Variants in ZC4H2 observed in about 807,000 individuals in gnomAD.
ZC4H2 encodes the protein zinc finger C4H2-type containing, also known as zinc finger C4H2 domain-containing protein.
For synonymous variants in ZC4H2, 84 were observed against 66.3 expected (o/e 1.27, Z -1.30); for missense variants, 137 against 173.9 (o/e 0.79, Z 1.19).
Position 64,921,994 on chromosome X carries a change from A to G in ZC4H2, c.54-6T>C. 4 of 1,208,206 alleles carry G rather than the reference A, an allele frequency of 3.3e-6. No individual in the cohort carries two copies. The highest frequency in any genetic ancestry group is 4.5e-6 in the Non-Finnish European group (4 of 894,193). On this transcript the variant is annotated splice_region_variant and splice_polypyrimidine_tract_variant and intron_variant, in intron 1 of 4. Coordinates refer to ENST00000374839, the MANE Select transcript of ZC4H2 (RefSeq NM_018684.4). ...CCATCTGCAGGGTCTTGTTCCTGCAATTTGCAAAAAGCAGGAAACAGGCCA... is the reference window on the plus strand; with the variant it reads ...CCATCTGCAGGGTCTTGTTCCTGCAGTTTGCAAAAAGCAGGAAACAGGCCA...
At chrX:64,999,317 C>T (rs1932487935) in intron 1 of ZC4H2, among the ~76,000 whole-genome samples, 2 of 111,349 alleles carry the variant, frequency 1.8e-5, no homozygotes, top group East Asian at 5.6e-4. Flanking sequence ...TGGGGTATTG[C>T]CTCACCCAGG....
chrX:65,009,759 T>TG (rs1276327723), intron 1 of ZC4H2, among the ~76,000 whole-genome samples: 2 of 111,556 alleles, frequency 1.8e-5, no homozygotes, highest in African/African-American at 6.5e-5. Context: ...CTGTGAGACT[T>TG]GGGGGGCAAG....
Position 64,932,853 on chromosome X carries a change from G to T in ZC4H2, c.54-10865C>A, listed in dbSNP as rs370572560. On this transcript the variant is annotated intron_variant, in intron 1 of 4. Coordinates refer to ENST00000374839, the MANE Select transcript of ZC4H2 (RefSeq NM_018684.4). ...CTGTGCCTTAATGATGATTGTTTTG[G>T]AATGAATTTCCCAGGAGTTCTTTTG... 3.5e-4 allele frequency among the ~76,000 whole-genome samples: 39 copies of T among 111,015 alleles called. No individual in the cohort carries two copies. In the East Asian group the frequency reaches 6.0e-3, roughly 17 times the overall value.
intron 1 of ZC4H2, among the ~76,000 whole-genome samples, chrX:65,030,302 G>T (rs1227559022): frequency 1.8e-5 from 2 of 108,552 alleles, no homozygotes; most frequent in East Asian, 5.8e-4. Context: ...ATTTTTTTTT[G>T]TACAGACCGG....
intron 1 of ZC4H2, among the ~76,000 whole-genome samples, chrX:64,966,578 C>A (rs1225710674): frequency 8.9e-6 from 1 of 111,911 alleles, no homozygotes. Flanking sequence ...AGTGAACACC[C>A]AAAATGTGCG....
intron 1 of ZC4H2, among the ~76,000 whole-genome samples, chrX:65,020,803 A>G (rs768882247): frequency 6.2e-5 from 7 of 112,165 alleles, no homozygotes; most frequent in African/African-American, 2.3e-4. Context: ...ATGTGCAAAG[A>G]CATAGATAGG....
At chrX:64,988,292 A>T (rs1360020193) in intron 1 of ZC4H2, among the ~76,000 whole-genome samples, 1 of 111,016 alleles carries the variant, frequency 9.0e-6, no homozygotes, top group African/African-American at 3.3e-5. Flanking sequence ...TAGTTCTAGA[A>T]CCCTGAGGAA....
At chrX:65,002,469 C>A (rs1349543771) in intron 1 of ZC4H2, among the ~76,000 whole-genome samples, 1 of 109,992 alleles carries the variant, frequency 9.1e-6, no homozygotes, top group Non-Finnish European at 1.9e-5. Context: ...GCTGCCGCCC[C>A]ATCCGGGAGG....
chrX:64,923,666 T>A (rs1198906744), intron 1 of ZC4H2, among the ~76,000 whole-genome samples: 1 of 100,740 alleles, frequency 9.9e-6, no homozygotes, highest in Non-Finnish European at 1.9e-5. Context: ...TAAGAAAACA[T>A]CTTTTCATGT....
chrX:64,982,976 A>T (rs1281427033), intron 1 of ZC4H2, among the ~76,000 whole-genome samples: 1 of 112,141 alleles, frequency 8.9e-6, no homozygotes, highest in Non-Finnish European at 1.9e-5. Flanking sequence ...AAGTAAACAG[A>T]TTGGGAGAGG....
chrX:64,935,985 G>A (rs1266028800), intron 1 of ZC4H2, among the ~76,000 whole-genome samples: 4 of 110,339 alleles, frequency 3.6e-5, no homozygotes, highest in Non-Finnish European at 7.6e-5. Flanking sequence ...TGAGCTAAAG[G>A]AGCATGTTCT....
upstream of ZC4H2, among the ~76,000 whole-genome samples, chrX:64,979,215 C>T (rs1159661275): frequency 8.9e-6 from 1 of 111,896 alleles, no homozygotes; most frequent in Non-Finnish European, 1.9e-5. Flanking sequence ...CCTATGGCCC[C>T]ATGCGGCCTG....
At chrX:65,008,101 A>G (rs1932696741) in intron 1 of ZC4H2, among the ~76,000 whole-genome samples, 1 of 112,210 alleles carries the variant, frequency 8.9e-6, no homozygotes, top group Non-Finnish European at 1.9e-5. Flanking sequence ...TAAGGAGTTC[A>G]AAAAACTTAA....
At chrX:65,009,359 T>C (rs1164686698) in intron 1 of ZC4H2, among the ~76,000 whole-genome samples, 1 of 110,481 alleles carries the variant, frequency 9.1e-6, no homozygotes. Context: ...CTCTCAGAAG[T>C]TGCAAGCCTT....
At chrX:65,004,171 A>T (rs755276138) in intron 1 of ZC4H2, among the ~76,000 whole-genome samples, 32 of 111,921 alleles carry the variant, frequency 2.9e-4, no homozygotes, top group African/African-American at 1.0e-3. Context: ...AGCTGGTACC[A>T]TTCTTTCTGA....
chrX:64,948,592 A>G (rs964618585), intron 1 of ZC4H2, among the ~76,000 whole-genome samples: 12 of 111,989 alleles, frequency 1.1e-4, no homozygotes, highest in African/African-American at 3.9e-4. Flanking sequence ...TCTAACAGAA[A>G]TGATGAAAGA....
At chrX:64,930,761 G>A (rs1359268532) in intron 1 of ZC4H2, among the ~76,000 whole-genome samples, 1 of 111,452 alleles carries the variant, frequency 9.0e-6, no homozygotes, top group Non-Finnish European at 1.9e-5. Context: ...GTTGGATTTG[G>A]GTAGCTAGTA....
intron 1 of ZC4H2, among the ~76,000 whole-genome samples, chrX:64,945,674 C>T (rs1602405387): frequency 9.0e-6 from 1 of 111,504 alleles, no homozygotes; most frequent in African/African-American, 3.3e-5. Flanking sequence ...GCTGAAGCTG[C>T]CCCCACAGCC....
At chrX:65,033,972 C>T (rs1007315271) in intron 1 of ZC4H2, among the ~76,000 whole-genome samples, 1 of 109,936 alleles carries the variant, frequency 9.1e-6, no homozygotes, top group African/African-American at 3.3e-5. Context: ...ACCTGTAGTC[C>T]CAGCTACTTG....
Sources: allele counts gnomAD v4.1 joint callset (sites outside exome capture counted in the v4.1 genomes callset), GRCh38; gene constraint gnomAD v4.1.1; transcripts MANE v1.5; gene names NCBI Gene and HGNC (gene_info 2026-07-23, HGNC 2026-07-21).